DLG2: variants seen among roughly 807,000 people sequenced by gnomAD.
DLG2 encodes the protein discs large MAGUK scaffold protein 2.
A neutral mutation model predicts 132.5 loss-of-function variants in DLG2; 45 were observed. That is an observed-to-expected ratio of 0.34 (90% CI 0.27 to 0.44). The LOEUF (loss-of-function observed/expected upper bound fraction) is 0.44, where lower values mean the gene tolerates loss of function less well. Among genes scored for constraint, DLG2 ranks in the 20% least tolerant of loss-of-function variants. The probability of loss-of-function intolerance (pLI) is 1.00; values close to 1 mark genes in which losing one functional copy is unlikely to be tolerated. For synonymous variants in DLG2, 424 were observed against 419.6 expected (o/e 1.01, Z -0.13); for missense variants, 1,045 against 1,196.9 (o/e 0.87, Z 1.87).
chr11:84,177,690 T>C (rs1239066884), intron 8 of DLG2, among the ~76,000 whole-genome samples: 2 of 152,156 alleles, frequency 1.3e-5, no homozygotes, highest in African/African-American at 4.8e-5. Context: ...TTAATAGCTG[T>C]CAGATATCTG....
intron 6 of DLG2, among the ~76,000 whole-genome samples, chr11:84,599,324 G>T (rs1253621592): frequency 1.3e-5 from 2 of 152,148 alleles, no homozygotes; most frequent in Non-Finnish European, 2.9e-5. Context: ...TATGAAAACT[G>T]TGTCATATGT....
intron 9 of DLG2, among the ~76,000 whole-genome samples, chr11:84,111,767 G>A (rs1474449916): frequency 6.6e-6 from 1 of 152,164 alleles, no homozygotes; most frequent in Non-Finnish European, 1.5e-5. Context: ...TCTAGTTGGG[G>A]AGATGTGCCA....
At chr11:84,223,703 C>T (rs1033774410) in intron 8 of DLG2, among the ~76,000 whole-genome samples, 2 of 151,998 alleles carry the variant, frequency 1.3e-5, no homozygotes, top group Non-Finnish European at 2.9e-5. Flanking sequence ...ACTACAGGCG[C>T]ATGTCACCAT....
At chr11:83,481,102 TGGCATGGAACA>T (rs2093065182) in intron 22 of DLG2, among the ~76,000 whole-genome samples, 1 of 152,136 alleles carries the variant, frequency 6.6e-6, no homozygotes, top group Non-Finnish European at 1.5e-5. Context: ...TGAATACTAG[TGGCATGGAACA>T]GGCAGGAGAT....
intron 15 of DLG2, among the ~76,000 whole-genome samples, chr11:83,901,294 T>C (rs969654335): frequency 3.3e-5 from 5 of 152,112 alleles, no homozygotes; most frequent in Non-Finnish European, 5.9e-5. Context: ...TGGGAAGGCA[T>C]GATTGGTTTT....
rs76285542 is a variant in DLG2, at chr11:83,996,135, C to T, written c.920-15493G>A. Reference sequence around the variant, plus strand: ...ACTCAAACAACTCTAAGAAAAAAAACAATAATATGATAAAAAGATGGGCAA... The same window carrying T: ...ACTCAAACAACTCTAAGAAAAAAAATAATAATATGATAAAAAGATGGGCAA... On this transcript the variant is annotated intron_variant, in intron 11 of 27. Transcript: ENST00000376104. 5.6e-3 allele frequency among the ~76,000 whole-genome samples: 858 copies of T among 151,864 alleles called. 5 individuals are homozygous for T. The highest frequency in any genetic ancestry group is 0.02 in the African/African-American group (829 of 41,454).
chr11:84,961,284 G>C (rs892220268), intron 6 of DLG2, among the ~76,000 whole-genome samples: 2 of 151,824 alleles, frequency 1.3e-5, no homozygotes, highest in Non-Finnish European at 1.5e-5. Context: ...TATCATACCA[G>C]TGTAGCTCAT....
At chr11:83,506,849 T>C (rs1390710056) in intron 21 of DLG2, among the ~76,000 whole-genome samples, 2 of 152,248 alleles carry the variant, frequency 1.3e-5, no homozygotes, top group Non-Finnish European at 2.9e-5. Flanking sequence ...CTGATGAGAC[T>C]GTGCATGCAC....
At chr11:85,063,877 T>C (rs1017446360) in intron 6 of DLG2, among the ~76,000 whole-genome samples, 1 of 151,876 alleles carries the variant, frequency 6.6e-6, no homozygotes, top group Non-Finnish European at 1.5e-5. Context: ...ATCTATTATA[T>C]GCAAGGCACT....
intron 18 of DLG2, among the ~76,000 whole-genome samples, chr11:83,780,882 G>C (rs2094789800): frequency 6.6e-6 from 1 of 152,172 alleles, no homozygotes; most frequent in Non-Finnish European, 1.5e-5. Context: ...TCCAGGTAGA[G>C]GGAGTCCAAC....
chr11:84,225,715 C>T (rs1487262568), intron 8 of DLG2, among the ~76,000 whole-genome samples: 1 of 152,024 alleles, frequency 6.6e-6, no homozygotes, highest in Non-Finnish European at 1.5e-5. Flanking sequence ...TTATGCATTC[C>T]ATACCATTAA....
At chr11:83,999,327 G>T (rs1004431957) in intron 11 of DLG2, among the ~76,000 whole-genome samples, 3 of 152,110 alleles carry the variant, frequency 2.0e-5, no homozygotes, top group Non-Finnish European at 2.9e-5. Context: ...CTCCTCAGCT[G>T]GCACCTACCT....
chr11:84,644,858 A>C (rs114828557), intron 6 of DLG2, among the ~76,000 whole-genome samples: 1 of 152,100 alleles, frequency 6.6e-6, no homozygotes, highest in Non-Finnish European at 1.5e-5. Flanking sequence ...CTGACATAGG[A>C]TAAGTCAAAG....
At chr11:84,858,752 G>A (rs781194554) in intron 6 of DLG2, among the ~76,000 whole-genome samples, 1 of 151,956 alleles carries the variant, frequency 6.6e-6, no homozygotes, top group Non-Finnish European at 1.5e-5. Flanking sequence ...GAAACAATTA[G>A]TTGTCTTTTT....
intron 6 of DLG2, among the ~76,000 whole-genome samples, chr11:84,571,235 CTT>C (rs755814875): frequency 2.2e-4 from 34 of 152,030 alleles, no homozygotes; most frequent in Non-Finnish European, 3.5e-4. Flanking sequence ...TTCCTCTTTT[CTT>C]TCTCTTCTTT....
At chr11:84,582,732 A>G (rs747066082) in intron 6 of DLG2, among the ~76,000 whole-genome samples, 1 of 152,106 alleles carries the variant, frequency 6.6e-6, no homozygotes, top group African/African-American at 2.4e-5. Flanking sequence ...TGACTTTACA[A>G]TCTTCCTACT....
chr11:85,458,242 T>C (rs1051977287), intron 3 of DLG2, among the ~76,000 whole-genome samples: 1 of 152,242 alleles, frequency 6.6e-6, no homozygotes, highest in Non-Finnish European at 1.5e-5. Context: ...ACACTTGTGA[T>C]TGCATTATAA....
chr11:85,164,205 A>G (rs2078254648), intron 4 of DLG2, among the ~76,000 whole-genome samples: 2 of 152,074 alleles, frequency 1.3e-5, no homozygotes. Flanking sequence ...TCCTATATAA[A>G]TATAAATTTC....
intron 3 of DLG2, among the ~76,000 whole-genome samples, chr11:85,556,478 A>G (rs1425939109): frequency 6.6e-6 from 1 of 151,932 alleles, no homozygotes; most frequent in Non-Finnish European, 1.5e-5. Flanking sequence ...TTTTCTTTAC[A>G]AAGTCGATTA....
Sources: allele counts gnomAD v4.1 joint callset (sites outside exome capture counted in the v4.1 genomes callset), GRCh38; gene constraint gnomAD v4.1.1; transcripts MANE v1.5; gene names NCBI Gene and HGNC (gene_info 2026-07-23, HGNC 2026-07-21).